The following RELN variants were observed in gnomAD, a reference collection of about 807,000 sequenced individuals.
RELN encodes reelin.
A neutral mutation model predicts 427.6 loss-of-function variants in RELN; 108 were observed. The observed-to-expected ratio is 0.25, with a 90% CI of 0.22 to 0.30. The LOEUF is 0.30. Among genes scored for constraint, RELN ranks in the 10% least tolerant of loss-of-function variants. RELN has a pLI of 1.00. For missense variants in RELN, 3,715 were observed against 4,302.8 expected (o/e 0.86, Z 3.82); for synonymous variants, 1,524 against 1,513.4 (o/e 1.01, Z -0.16).
intron 1 of RELN, among the ~76,000 whole-genome samples, chr7:103,957,428 A>G (rs1796455434): frequency 6.6e-6 from 1 of 152,216 alleles, no homozygotes; most frequent in Non-Finnish European, 1.5e-5. Context: ...GTCCTTTAAC[A>G]TGTGCATAAC....
chr7:103,658,936 T>C (rs143758493), intron 12 of RELN, among the ~76,000 whole-genome samples: 144 of 151,980 alleles, frequency 9.5e-4, no homozygotes, highest in African/African-American at 3.4e-3. Flanking sequence ...ATGTTCTTTC[T>C]CAGTCTCCTT....
In RELN at chr7:103,517,289, C is replaced by T. The variant is rs12671565; in HGVS notation, c.7863-1848G>A. On this transcript the variant is annotated intron_variant, in intron 49 of 64. Coordinates refer to ENST00000428762, the MANE Select transcript of RELN (RefSeq NM_005045.4). ...TGTCAGTTTCTGGGGGACACACAAT[C>T]GCACTTCTTCACACAGAGCAATGAT... Among the ~76,000 whole-genome samples, 83 of 151,746 alleles carry T rather than the reference C, an allele frequency of 5.5e-4. 1 individual carries two copies. In the East Asian group the frequency reaches 0.016, roughly 28 times the overall value.
chr7:103,489,908 A>G lies in RELN; in HGVS notation c.9606-9T>C. 1 of 1,614,056 alleles carries G rather than the reference A, an allele frequency of 6.2e-7. No homozygotes were observed. The highest frequency in any genetic ancestry group is 8.5e-7 in the Non-Finnish European group (1 of 1,179,990). ...AGCGGAACTGTGTTGCACTGAAAGA[A>G]CCACAGAGAGCAGAAGGGATTCAGT... On this transcript the variant is annotated splice_polypyrimidine_tract_variant and intron_variant, in intron 59 of 64. Coordinates refer to ENST00000428762, the MANE Select transcript of RELN (RefSeq NM_005045.4).
intron 20 of RELN, chr7:103,628,185 C>T (rs1008563484): frequency 2.6e-5 from 4 of 152,160 alleles, no homozygotes; most frequent in East Asian, 1.9e-4. Context: ...TTTTGTTCTA[C>T]ATCTTTACAC....
chr7:103,696,168 C>T (rs947366095), intron 10 of RELN, among the ~76,000 whole-genome samples: 1 of 152,060 alleles, frequency 6.6e-6, no homozygotes, highest in Non-Finnish European at 1.5e-5. Context: ...CTTTCTAGCT[C>T]GGGATGTTCT....
chr7:103,761,218 C>A (rs1247800677), intron 4 of RELN, among the ~76,000 whole-genome samples: 1 of 152,048 alleles, frequency 6.6e-6, no homozygotes, highest in Non-Finnish European at 1.5e-5. Context: ...TTATAACCTG[C>A]AACTAGGAGA....
intron 3 of RELN, among the ~76,000 whole-genome samples, chr7:103,810,083 C>G (rs1230047622): frequency 6.6e-6 from 1 of 152,140 alleles, no homozygotes; most frequent in Admixed American, 6.6e-5. Context: ...TTTAATTAAT[C>G]TCACAATTCA....
chr7:103,545,402 T>A, intron 41 of RELN, 58 bp from the exon 42 acceptor site: 1 of 1,141,006 alleles, frequency 8.8e-7, no homozygotes, highest in Non-Finnish European at 1.3e-6. Flanking sequence ...ACCTTCAAAG[T>A]ATGCACATCT....
At chr7:103,700,285 G>A (rs1219943585) in intron 9 of RELN, among the ~76,000 whole-genome samples, 1 of 152,032 alleles carries the variant, frequency 6.6e-6, no homozygotes, top group Admixed American at 6.5e-5. Context: ...AACATAATTT[G>A]AGTTTTGCTA....
At chr7:103,505,702 C>T (rs1004678543) in intron 51 of RELN, among the ~76,000 whole-genome samples, 6 of 152,158 alleles carry the variant, frequency 3.9e-5, no homozygotes, top group East Asian at 1.9e-4. Flanking sequence ...CACAACTCCT[C>T]GCCAGCAAGG....
At chr7:103,688,477 T>C (rs1049701426) in intron 10 of RELN, among the ~76,000 whole-genome samples, 4 of 152,102 alleles carry the variant, frequency 2.6e-5, no homozygotes, top group African/African-American at 9.7e-5. Flanking sequence ...TATGATAGTA[T>C]TGCTGTGTCA....
At chr7:103,856,354 G>A (rs989409051) in intron 2 of RELN, among the ~76,000 whole-genome samples, 1 of 151,774 alleles carries the variant, frequency 6.6e-6, no homozygotes, top group Admixed American at 6.6e-5. Flanking sequence ...GAGGCAGGTG[G>A]ATCACCTGAG....
At chr7:103,837,371 A>T (rs993215240) in intron 2 of RELN, among the ~76,000 whole-genome samples, 3 of 152,182 alleles carry the variant, frequency 2.0e-5, no homozygotes, top group Admixed American at 1.3e-4. Flanking sequence ...CTCTCCCTGT[A>T]CACATTTACC....
chr7:103,739,990 T>C (rs918611522), intron 6 of RELN, among the ~76,000 whole-genome samples: 2 of 152,118 alleles, frequency 1.3e-5, no homozygotes, highest in Non-Finnish European at 2.9e-5. Context: ...CCGGGCTGTG[T>C]GGACTAGTCA....
chr7:103,717,483 A>AC (rs1181450703), intron 8 of RELN, among the ~76,000 whole-genome samples: 1 of 151,098 alleles, frequency 6.6e-6, no homozygotes, highest in Non-Finnish European at 1.5e-5. Flanking sequence ...TATAAAACAA[A>AC]AAAAAAAATT....
chr7:103,490,886 A>AACCCG, intron 58 of RELN, 57 bp from the exon 59 acceptor site: 1 of 1,557,082 alleles, frequency 6.4e-7, no homozygotes, highest in East Asian at 2.2e-5. Flanking sequence ...ATAATCTGTT[A>AACCCG]ATGTCAAGGT....
intron 28 of RELN, among the ~76,000 whole-genome samples, chr7:103,585,438 A>G (rs144165061): frequency 6.6e-6 from 1 of 152,312 alleles, no homozygotes; most frequent in African/African-American, 2.4e-5. Flanking sequence ...TATGTATACA[A>G]ACTAGAAAAC....
At chr7:103,901,258 A>C (rs1795079244) in intron 2 of RELN, among the ~76,000 whole-genome samples, 1 of 152,048 alleles carries the variant, frequency 6.6e-6, no homozygotes, top group South Asian at 2.1e-4. Flanking sequence ...AAAAAAGCAA[A>C]TGTTGGGAAG....
At position 103,563,731 on chromosome 7, in the gene RELN, C is replaced by G. The variant is rs2159675; in HGVS notation, c.5210+1547G>C. On this transcript the variant is annotated intron_variant, in intron 34 of 64. Coordinates refer to ENST00000428762, the MANE Select transcript of RELN (RefSeq NM_005045.4). The surrounding 1 kb of genome is among the most constrained non-coding windows in gnomAD (Gnocchi z 4.1). The stretch of plus-strand genomic sequence containing the variant: ...TTCCAGTCCTGTAAGCTCTGTTTAT[C>G]GGAAGTGCCCTATACAAGTGTACCA... Among the ~76,000 whole-genome samples, 115,348 of 152,098 alleles carry G rather than the reference C, an allele frequency of 0.76. 44,264 individuals carry two copies. The highest frequency in any genetic ancestry group is 0.88 in the African/African-American group (36,424 of 41,502).
Sources: allele counts gnomAD v4.1 joint callset (sites outside exome capture counted in the v4.1 genomes callset), GRCh38; gene constraint gnomAD v4.1.1; non-coding constraint Gnocchi (gnomAD v3.1); transcripts MANE v1.5; gene names NCBI Gene and HGNC (gene_info 2026-07-23, HGNC 2026-07-21).